The following EXOC4 variants were observed in gnomAD, a reference collection of about 807,000 sequenced individuals.
EXOC4 encodes exocyst complex component 4, also known as SEC8-like 1.
EXOC4 carries 71 observed loss-of-function variants against 107.2 expected under a neutral mutation model. The ratio of observed to expected loss-of-function variants is 0.66; its 90% CI spans 0.55 to 0.81. EXOC4 has a LOEUF of 0.81. Ranked by LOEUF, EXOC4 falls within the 30% of genes least tolerant of loss-of-function variation. EXOC4 has a pLI of 0.00. For synonymous variants in EXOC4, 456 were observed against 441.2 expected (o/e 1.03, Z -0.42); for missense variants, 1,108 against 1,189.6 (o/e 0.93, Z 1.01).
chr7:134,046,053 G>A (rs750339001), intron 17 of EXOC4, among the ~76,000 whole-genome samples: 19 of 152,102 alleles, frequency 1.2e-4, no homozygotes, highest in Non-Finnish European at 2.2e-4. Context: ...GTGGGGAGAA[G>A]GAAGCTAAAG....
intron 7 of EXOC4, among the ~76,000 whole-genome samples, chr7:133,434,827 A>T (rs1398010707): frequency 6.6e-6 from 1 of 152,256 alleles, no homozygotes; most frequent in East Asian, 1.9e-4. Flanking sequence ...TTAAAGCTTT[A>T]TCCTTCCTCT....
intron 10 of EXOC4, among the ~76,000 whole-genome samples, chr7:133,687,985 A>C (rs1163386246): frequency 1.3e-5 from 2 of 152,172 alleles, no homozygotes; most frequent in Non-Finnish European, 2.9e-5. Context: ...GCATGTGTGA[A>C]ATTTACTTTT....
At chr7:133,959,894 G>A (rs532086169) in intron 14 of EXOC4, among the ~76,000 whole-genome samples, 43 of 152,164 alleles carry the variant, frequency 2.8e-4, no homozygotes, top group African/African-American at 9.6e-4. Flanking sequence ...GGAAGAATAC[G>A]GACGTTTTCA....
intron 2 of EXOC4, among the ~76,000 whole-genome samples, chr7:133,277,507 G>T (rs533853780): frequency 6.6e-6 from 1 of 152,170 alleles, no homozygotes; most frequent in East Asian, 1.9e-4. Flanking sequence ...AAGAATGTTC[G>T]CCTGATATTG....
intron 10 of EXOC4, among the ~76,000 whole-genome samples, chr7:133,677,050 A>C (rs1235688936): frequency 6.6e-6 from 1 of 151,174 alleles, no homozygotes; most frequent in Non-Finnish European, 1.5e-5. Flanking sequence ...ATTCTTATTT[A>C]TGCTGATAAC....
rs995306790 is a variant in EXOC4, at chr7:133,648,916, A to G, written c.1514+18775A>G. 5.9e-5 allele frequency among the ~76,000 whole-genome samples: 9 copies of G among 152,322 alleles called. No individual in the cohort carries two copies. In the East Asian group the frequency reaches 1.7e-3, roughly 29 times the overall value. On this transcript the variant is annotated intron_variant, in intron 10 of 17. Coordinates refer to ENST00000253861, the MANE Select transcript of EXOC4 (RefSeq NM_021807.4). ...AATTTTTCTTACCCATTTCTCTTGA[A>G]ATACCTGTGCTTTCCCATTTAGTGC...
chr7:133,406,125 A>G lies in EXOC4; in HGVS notation c.1182+31123A>G, dbSNP rs1584891558. ...CTCATAGAGCTCTTTTGTGCGTCTT[A>G]TTGCCTTTAATTCCACGTAACAAGC... On this transcript the variant is annotated intron_variant, in intron 7 of 17. Transcript: ENST00000253861. Among the ~76,000 whole-genome samples the G allele has an allele frequency of 2.0e-5, 3 of 152,186 alleles. No individual in the cohort carries two copies. In the South Asian group the frequency reaches 6.2e-4, roughly 31 times the overall value.
intron 9 of EXOC4, among the ~76,000 whole-genome samples, chr7:133,567,703 C>G (rs944381686): frequency 6.6e-6 from 1 of 151,950 alleles, no homozygotes; most frequent in African/African-American, 2.4e-5. Flanking sequence ...CTGGAAAGTC[C>G]CAGAGCATGG....
At chr7:133,303,497 A>G (rs936528425) in intron 3 of EXOC4, among the ~76,000 whole-genome samples, 1 of 152,224 alleles carries the variant, frequency 6.6e-6, no homozygotes, top group Non-Finnish European at 1.5e-5. Flanking sequence ...CAAATGTTGC[A>G]TTGACAACTA....
chr7:133,699,875 A>T (rs932553358), intron 10 of EXOC4, among the ~76,000 whole-genome samples: 1 of 152,214 alleles, frequency 6.6e-6, no homozygotes, highest in African/African-American at 2.4e-5. Context: ...AGAAAATGTA[A>T]CAGAACAACT....
chr7:133,903,849 A>G (rs1440091854), intron 12 of EXOC4, among the ~76,000 whole-genome samples: 1 of 152,238 alleles, frequency 6.6e-6, no homozygotes, highest in East Asian at 1.9e-4. Context: ...ACGAGAAACC[A>G]TCAAAGGACA....
At position 133,807,591 on chromosome 7, in the gene EXOC4, G is replaced by GA. The variant is rs969260079; in HGVS notation, c.1515-9725dup. On this transcript the variant is annotated intron_variant, in intron 10 of 17. Transcript: ENST00000253861. The stretch of plus-strand genomic sequence containing the variant: ...AATTTTTCTGACAGCTTTATCTTCT[G>GA]AAAAAAAAATAAAGAAAGAAAGAAG... 1.5e-4 allele frequency among the ~76,000 whole-genome samples: 22 copies of GA among 149,160 alleles called. No homozygotes were observed. The East Asian group carries it at 1.6e-3, about 11-fold the overall frequency.
chr7:133,895,811 T>C, intron 12 of EXOC4, 76 bp downstream of exon 12: 1 of 1,482,548 alleles, frequency 6.7e-7, no homozygotes, highest in Admixed American at 1.8e-5. Flanking sequence ...ATTGCTTCAA[T>C]AGCCTAATTT....
intron 10 of EXOC4, among the ~76,000 whole-genome samples, chr7:133,683,288 C>T (rs1794225882): frequency 6.6e-6 from 1 of 152,152 alleles, no homozygotes; most frequent in African/African-American, 2.4e-5. Context: ...AAAGATAGCA[C>T]TCCTTGTTTG....
chr7:133,702,526 A>G (rs914380445), intron 10 of EXOC4, among the ~76,000 whole-genome samples: 9 of 149,066 alleles, frequency 6.0e-5, no homozygotes, highest in Non-Finnish European at 1.0e-4. Context: ...TTGAATTGCT[A>G]TGTTGCCGAG....
intron 7 of EXOC4, among the ~76,000 whole-genome samples, chr7:133,413,962 C>T (rs918305376): frequency 8.6e-5 from 13 of 151,824 alleles, no homozygotes; most frequent in Non-Finnish European, 1.5e-4. Context: ...AATCACAAGC[C>T]CTAAAAGACT....
In EXOC4 at chr7:133,844,378, C is replaced by CTTTTTTTTT. The variant is rs761535651; in HGVS notation, c.1734+26856_1734+26864dup. Among the ~76,000 whole-genome samples, 12 of 83,392 alleles carry CTTTTTTTTT rather than the reference C, an allele frequency of 1.4e-4. 1 individual carries two copies. The highest frequency in any genetic ancestry group is 4.0e-4 in the Admixed American group (3 of 7,522). The allele number at this position is 83,392 out of a possible 152,430, so 54.7% of individuals were successfully genotyped here. On this transcript the variant is annotated intron_variant, in intron 11 of 17. Coordinates refer to ENST00000253861, the MANE Select transcript of EXOC4 (RefSeq NM_021807.4). Reference sequence around the variant, plus strand: ...TAATTTCTTGGATTCCCACATATTCCTTTTTTTTTTTTTTTTTTTTTTTTT... The same window carrying CTTTTTTTTT: ...TAATTTCTTGGATTCCCACATATTCCTTTTTTTTTTTTTTTTTTTTTTTTTTTTTTTTTT...
At chr7:133,838,611 T>G (rs1797965615) in intron 11 of EXOC4, among the ~76,000 whole-genome samples, 1 of 152,162 alleles carries the variant, frequency 6.6e-6, no homozygotes. Context: ...TCTGATCCAG[T>G]CAGTCTGGTT....
chr7:133,397,518 C>G (rs913604039), intron 7 of EXOC4, among the ~76,000 whole-genome samples: 1 of 152,072 alleles, frequency 6.6e-6, no homozygotes, highest in Non-Finnish European at 1.5e-5. Flanking sequence ...AGCTTCTTTG[C>G]TTTTTGTCTG....
Sources: gnomAD v4.1 joint callset for allele counts (sites outside exome capture counted in the v4.1 genomes callset) on GRCh38, gnomAD v4.1.1 for gene constraint, MANE v1.5 for transcripts, NCBI Gene and HGNC (gene_info 2026-07-23, HGNC 2026-07-21) for gene names.